WARS2: variants seen among roughly 807,000 people sequenced by gnomAD.
WARS2 encodes tryptophanyl tRNA synthetase 2, mitochondrial.
In WARS2, 28 loss-of-function variants were observed where a neutral mutation model predicts 36.5. The observed-to-expected ratio is 0.77, with a 90% CI of 0.57 to 1.05. The LOEUF (loss-of-function observed/expected upper bound fraction) is 1.05. WARS2 is among the 50% of genes least tolerant of loss of function. The pLI, the probability that WARS2 is intolerant of heterozygous loss-of-function variation, is 0.00. For synonymous variants in WARS2, 174 were observed against 178.4 expected (o/e 0.98, Z 0.20); for missense variants, 435 against 456.8 (o/e 0.95, Z 0.44).
intron 1 of WARS2, among the ~76,000 whole-genome samples, chr1:119,098,933 C>T (rs1653661530): frequency 6.7e-6 from 1 of 149,776 alleles, no homozygotes; most frequent in African/African-American, 2.5e-5. Flanking sequence ...AACGTGGTTT[C>T]ACCATGTTTG....
chr1:119,092,228 A>G (rs1214776159), intron 1 of WARS2, among the ~76,000 whole-genome samples: 1 of 152,138 alleles, frequency 6.6e-6, no homozygotes, highest in Non-Finnish European at 1.5e-5. Flanking sequence ...TTGTTTGCCT[A>G]CCTAACTTAA....
At chr1:119,071,619 T>C (rs1651321121) in intron 2 of WARS2, among the ~76,000 whole-genome samples, 1 of 152,154 alleles carries the variant, frequency 6.6e-6, no homozygotes, top group Non-Finnish European at 1.5e-5. Flanking sequence ...TAAGCTCACG[T>C]ACATGTGAAA....
chr1:119,126,764 T>A, intron 1 of WARS2: 2 of 738,176 alleles, frequency 2.7e-6, no homozygotes, highest in Non-Finnish European at 5.0e-6. Flanking sequence ...CAATACTGTC[T>A]GGAATCAACT....
At chr1:119,122,694 A>T (rs1175224687) in intron 1 of WARS2, among the ~76,000 whole-genome samples, 1 of 152,224 alleles carries the variant, frequency 6.6e-6, no homozygotes, top group Non-Finnish European at 1.5e-5. Context: ...ATACCATGGA[A>T]TACTACTCAG....
intron 4 of WARS2, among the ~76,000 whole-genome samples, chr1:119,034,796 T>C (rs1475412163): frequency 2.6e-5 from 4 of 152,182 alleles, no homozygotes; most frequent in Non-Finnish European, 4.4e-5. Context: ...ATAAGTACAA[T>C]GTAGATGGCT....
intron 2 of WARS2, among the ~76,000 whole-genome samples, chr1:119,055,687 A>G: frequency 6.7e-6 from 1 of 149,412 alleles, no homozygotes; most frequent in African/African-American, 2.6e-5. Flanking sequence ...AAAGGCAAGA[A>G]AGAAAGAAAA....
chr1:119,115,972 C>T (rs751766221), intron 1 of WARS2, among the ~76,000 whole-genome samples: 2 of 152,160 alleles, frequency 1.3e-5, no homozygotes, highest in Admixed American at 1.3e-4. Context: ...GACTCTCACA[C>T]CCTCACTAAA....
At chr1:119,093,029 T>C (rs1653152739) in intron 1 of WARS2, among the ~76,000 whole-genome samples, 1 of 152,194 alleles carries the variant, frequency 6.6e-6, no homozygotes, top group African/African-American at 2.4e-5. Context: ...CACTGATTCT[T>C]CCTTTTTCAC....
At position 119,130,209 on chromosome 1, in the gene WARS2, C is replaced by G. The variant is rs587663349; in HGVS notation, c.90+10346G>C. On this transcript the variant is annotated intron_variant, in intron 1 of 5. Transcript: ENST00000235521. ...TATTTCCTTTATAAGTTGAAGAAAG[C>G]ATACTCTTGATTATAAAAGCAAAAA... is the stretch of plus-strand genomic sequence containing the variant. Among the ~76,000 whole-genome samples, 5 of 151,928 alleles carry G rather than the reference C, an allele frequency of 3.3e-5. No homozygotes were observed. In the East Asian group the frequency reaches 9.6e-4, roughly 29 times the overall value.
At chr1:119,118,219 A>T (rs1337828313) in intron 1 of WARS2, among the ~76,000 whole-genome samples, 1 of 152,058 alleles carries the variant, frequency 6.6e-6, no homozygotes, top group Non-Finnish European at 1.5e-5. Context: ...AGTTAAATAG[A>T]TATGGTAAAG....
At chr1:119,114,612 G>C (rs1654850432) in intron 1 of WARS2, among the ~76,000 whole-genome samples, 1 of 152,122 alleles carries the variant, frequency 6.6e-6, no homozygotes, top group Non-Finnish European at 1.5e-5. Context: ...GTTCAGGTTA[G>C]GAGATTTGGG....
At chr1:119,085,343 C>G (rs1557970261) in intron 1 of WARS2, 1 of 1,355,992 alleles carries the variant, frequency 7.4e-7, no homozygotes, top group African/African-American at 1.4e-5. Flanking sequence ...TCTCCTAGTT[C>G]TTGCTGCTGT....
At chr1:119,086,426 C>T (rs1652672740) in intron 1 of WARS2, among the ~76,000 whole-genome samples, 1 of 152,158 alleles carries the variant, frequency 6.6e-6, no homozygotes, top group African/African-American at 2.4e-5. Flanking sequence ...AGTTTTAATA[C>T]TTTTCTAACT....
chr1:119,124,574 T>C (rs1463514622), intron 1 of WARS2, among the ~76,000 whole-genome samples: 1 of 152,112 alleles, frequency 6.6e-6, no homozygotes, highest in Non-Finnish European at 1.5e-5. Context: ...TGATCATGCC[T>C]CATGAAACCA....
intron 2 of WARS2, among the ~76,000 whole-genome samples, chr1:119,059,079 A>C (rs1385062912): frequency 6.6e-6 from 1 of 150,830 alleles, no homozygotes. Flanking sequence ...GCATTTTTTC[A>C]TGTGTTTTTT....
chr1:119,066,827 A>T (rs541934576), intron 2 of WARS2, among the ~76,000 whole-genome samples: 1 of 152,228 alleles, frequency 6.6e-6, no homozygotes, highest in African/African-American at 2.4e-5. Flanking sequence ...ACAAACTGAC[A>T]ACATTCACTG....
chr1:119,054,761 C>T (rs2101170997), intron 2 of WARS2, among the ~76,000 whole-genome samples: 1 of 152,178 alleles, frequency 6.6e-6, no homozygotes, highest in Admixed American at 6.5e-5. Flanking sequence ...TATGAATGAA[C>T]TTGGAGGACA....
chr1:119,037,307 A>G (rs981379751), intron 4 of WARS2, among the ~76,000 whole-genome samples: 3 of 142,566 alleles, frequency 2.1e-5, no homozygotes, highest in African/African-American at 5.5e-5. Flanking sequence ...TTTTGCATCT[A>G]TGATACTTGA....
chr1:119,071,472 G>T (rs1449683039), intron 2 of WARS2, among the ~76,000 whole-genome samples: 1 of 152,090 alleles, frequency 6.6e-6, no homozygotes, highest in Non-Finnish European at 1.5e-5. Context: ...AACAGATAAA[G>T]AAAATACAGT....
Sources: gnomAD v4.1 joint callset for allele counts (sites outside exome capture counted in the v4.1 genomes callset) on GRCh38, gnomAD v4.1.1 for gene constraint, MANE v1.5 for transcripts, NCBI Gene and HGNC (gene_info 2026-07-23, HGNC 2026-07-21) for gene names.